Variants in DPP4 observed in about 807,000 individuals in gnomAD.
The protein encoded by DPP4 is dipeptidyl peptidase 4, also known as ADCP-2.
A neutral mutation model predicts 122.4 loss-of-function variants in DPP4; 93 were observed. The observed-to-expected ratio is 0.76, with a 90% confidence interval of 0.64 to 0.90. DPP4 has a LOEUF of 0.90. Ranked by LOEUF, DPP4 falls within the 40% of genes least tolerant of loss-of-function variation. DPP4 has a pLI of 0.00. For missense variants in DPP4, 914 were observed against 907.3 expected (o/e 1.01, Z -0.09); for synonymous variants, 321 against 302.9 (o/e 1.06, Z -0.62).
intron 10 of DPP4, among the ~76,000 whole-genome samples, chr2:162,027,201 A>C (rs1683361237): frequency 6.6e-6 from 1 of 152,142 alleles, no homozygotes; most frequent in South Asian, 2.1e-4. Context: ...AAATGCAAAA[A>C]TTAGCCAGGT....
chr2:162,028,613 A>G (rs2106111927), intron 10 of DPP4, among the ~76,000 whole-genome samples: 1 of 152,318 alleles, frequency 6.6e-6, no homozygotes, highest in African/African-American at 2.4e-5. Flanking sequence ...GGTTAGACAT[A>G]TGAGCCAGCA....
rs961077199 is a variant in DPP4 at position 161,992,597 on chromosome 2, C to G, written c.*686G>C. On this transcript the variant is annotated 3_prime_UTR_variant, in exon 26 of 26. Coordinates refer to ENST00000360534, the MANE Select transcript of DPP4 (RefSeq NM_001935.4). ...CACCCTTGCTGTGTTTTTGTAGCAC[C>G]TATAGCCATAACTGGCACCTGGGGG... 6.5e-6 allele frequency: 1 copy of G among 152,754 alleles called. No individual in the cohort carries two copies. Among genetic ancestry groups the G allele is most frequent in the African/African-American group, 2.4e-5 (1 of 41,438 alleles). 9.5% of individuals were successfully genotyped at this position (152,754 alleles called of 1,614,324 possible). A position where few individuals can be genotyped will look rare whatever the true frequency, so the allele number is the denominator to read the frequency against.
Position 162,033,429 on chromosome 2 carries a change from CGG to C in DPP4, c.887+110_887+111del. Reference sequence around the variant, plus strand: ...GAAGGAAAGAATGAATGACTGTCAGCGGGGATGACACAGTGGGAGGCTGTGAT... The same window carrying C: ...GAAGGAAAGAATGAATGACTGTCAGCGGATGACACAGTGGGAGGCTGTGAT... On this transcript the variant is annotated intron_variant, in intron 10 of 25. Transcript: ENST00000360534. 7.4e-6 allele frequency: 5 copies of C among 676,612 alleles called. No individual in the cohort carries two copies. The South Asian group carries it at 1.0e-4, about 14-fold the overall frequency. 41.9% of individuals were successfully genotyped at this position (676,612 alleles called of 1,614,324 possible).
intron 12 of DPP4, 80 bp downstream of exon 12, chr2:162,022,675 A>G: frequency 7.5e-7 from 1 of 1,335,170 alleles, no homozygotes; most frequent in Non-Finnish European, 1.1e-6. Context: ...TATCACTTAG[A>G]GCCCTAGTTT....
In DPP4 at chr2:162,020,403, G is replaced by A. The variant is rs909867905; in HGVS notation, c.1177-107C>T. 1.6e-5 allele frequency: 18 copies of A among 1,125,396 alleles called. No individual in the cohort carries two copies. The Admixed American group carries it at 4.7e-4, about 29-fold the overall frequency. The allele number at this position is 1,125,396 out of a possible 1,614,324, so 69.7% of individuals were successfully genotyped here. ...TTATATCAGGAATTCAAATAACCTTGGATTTTCTTGTTGGGTTTCCCCACC... is the reference window on the plus strand; with the variant it reads ...TTATATCAGGAATTCAAATAACCTTAGATTTTCTTGTTGGGTTTCCCCACC... On this transcript the variant is annotated intron_variant, in intron 13 of 25. Transcript: ENST00000360534.
intron 2 of DPP4, among the ~76,000 whole-genome samples, chr2:162,051,547 G>A (rs564880761): frequency 6.6e-6 from 1 of 152,218 alleles, no homozygotes; most frequent in Non-Finnish European, 1.5e-5. Flanking sequence ...AGGCAAAAGA[G>A]TTATCTGGTT....
intron 19 of DPP4, among the ~76,000 whole-genome samples, chr2:162,012,791 T>A (rs766042002): frequency 6.6e-6 from 1 of 152,042 alleles, no homozygotes; most frequent in Non-Finnish European, 1.5e-5. Context: ...CTCCTGGACA[T>A]GGATACTCTC....
chr2:162,017,036 T>C (rs1367792892), intron 17 of DPP4, 72 bp downstream of exon 17: 2 of 1,524,878 alleles, frequency 1.3e-6, no homozygotes, highest in Admixed American at 3.6e-5. Context: ...AATCACACAA[T>C]GCTAAGTACA....
At chr2:162,045,649 T>C (rs1381278635) in intron 4 of DPP4, 37 bp from the exon 5 acceptor site, 4 of 1,444,088 alleles carry the variant, frequency 2.8e-6, no homozygotes, top group Admixed American at 3.4e-5. Context: ...ATTGAACAAT[T>C]CCATTTCATT....
At chr2:162,023,062 T>G (rs1403734646) in intron 11 of DPP4, among the ~76,000 whole-genome samples, 1 of 152,216 alleles carries the variant, frequency 6.6e-6, no homozygotes, top group East Asian at 1.9e-4. Flanking sequence ...GAATTTCATT[T>G]GTTTTCCTCT....
intron 8 of DPP4, 80 bp from the exon 9 acceptor site, chr2:162,035,404 G>C: frequency 7.4e-7 from 1 of 1,350,844 alleles, no homozygotes; most frequent in Non-Finnish European, 1.0e-6. Context: ...GTTCTCATTA[G>C]CTTTAGTAAT....
At chr2:162,049,649 T>C (rs1051458954) in intron 2 of DPP4, among the ~76,000 whole-genome samples, 3 of 151,930 alleles carry the variant, frequency 2.0e-5, no homozygotes, top group African/African-American at 4.8e-5. Context: ...AAAATAAAAG[T>C]TGAAAGAAAA....
chr2:162,010,541 T>C (rs1418639712), intron 20 of DPP4, among the ~76,000 whole-genome samples: 2 of 152,198 alleles, frequency 1.3e-5, no homozygotes, highest in African/African-American at 2.4e-5. Context: ...TCTCAATACT[T>C]ATTTAACTGG....
chr2:162,066,174 C>T (rs1684939995), intron 2 of DPP4, among the ~76,000 whole-genome samples: 1 of 152,054 alleles, frequency 6.6e-6, no homozygotes, highest in African/African-American at 2.4e-5. Context: ...TCCAAGGAGC[C>T]ATCCTTACCT....
chr2:161,995,315 G>T lies in DPP4; in HGVS notation c.2110C>A (p.His704Asn). 6.2e-7 allele frequency: 1 copy of T among 1,613,924 alleles called. No homozygotes were observed. The highest frequency in any genetic ancestry group is 8.5e-7 in the Non-Finnish European group (1 of 1,179,846). Residue 704 changes from histidine to asparagine, a missense_variant, in exon 24 of 26, where the codon CAT (histidine) becomes AAT (asparagine). Coordinates refer to ENST00000360534, the MANE Select transcript of DPP4 (RefSeq NM_001935.4). ...NFKQVEYLLIHGTADDNVHFQ... is the reference protein window; with the variant it reads ...NFKQVEYLLINGTADDNVHFQ... The stretch of plus-strand genomic sequence containing the variant: ...TGAAACTCACCATCTGCTGTTCCAT[G>T]AATAAGGAGGTACTCAACTTGTTTA...
At chr2:162,026,138 C>T (rs1683323944) in intron 10 of DPP4, among the ~76,000 whole-genome samples, 1 of 152,140 alleles carries the variant, frequency 6.6e-6, no homozygotes, top group South Asian at 2.1e-4. Flanking sequence ...TTTCCATCTC[C>T]ACTCCCTTCG....
intron 10 of DPP4, among the ~76,000 whole-genome samples, chr2:162,027,960 C>A (rs755711543): frequency 6.6e-6 from 1 of 151,664 alleles, no homozygotes; most frequent in Non-Finnish European, 1.5e-5. Flanking sequence ...TCACCCGTGG[C>A]GCAGACAGGA....
intron 2 of DPP4, among the ~76,000 whole-genome samples, chr2:162,048,981 C>T (rs116567208): frequency 6.6e-6 from 1 of 152,254 alleles, no homozygotes; most frequent in Admixed American, 6.5e-5. Context: ...ATAATCAAGC[C>T]AACGTGATTC....
chr2:162,023,908 T>TG, intron 11 of DPP4, among the ~76,000 whole-genome samples: 1 of 152,342 alleles, frequency 6.6e-6, no homozygotes, highest in South Asian at 2.1e-4. Flanking sequence ...AGAAACATTT[T>TG]GGGGGCAGGC....
Sources: allele counts gnomAD v4.1 joint callset (sites outside exome capture counted in the v4.1 genomes callset), GRCh38; gene constraint gnomAD v4.1.1; transcripts MANE v1.5; gene names NCBI Gene and HGNC (gene_info 2026-07-23, HGNC 2026-07-21).